The following NRG1 variants were observed in gnomAD, a reference collection of about 807,000 sequenced individuals.
The protein encoded by NRG1 is pro-neuregulin-1, membrane-bound isoform.
NRG1 carries 18 observed loss-of-function variants against 63.8 expected under a neutral mutation model. The observed-to-expected ratio is 0.28, with a 90% confidence interval of 0.19 to 0.42. The LOEUF (loss-of-function observed/expected upper bound fraction) is 0.42, where lower values mean the gene tolerates loss of function less well. Ranked by LOEUF, NRG1 falls within the 10% of genes least tolerant of loss-of-function variation. The pLI is 1.00. For missense variants in NRG1, 762 were observed against 814.7 expected (o/e 0.94, Z 0.79); for synonymous variants, 302 against 301.3 (o/e 1.00, Z -0.02).
At chr8:31,997,946 C>T (rs1349257298) in intron 1 of NRG1, among the ~76,000 whole-genome samples, 1 of 151,972 alleles carries the variant, frequency 6.6e-6, no homozygotes, top group Non-Finnish European at 1.5e-5. Context: ...ATAAGTAAGT[C>T]TCAAATCTGG....
At chr8:32,319,507 C>A (rs922283285) in intron 1 of NRG1, among the ~76,000 whole-genome samples, 6 of 152,200 alleles carry the variant, frequency 3.9e-5, no homozygotes, top group African/African-American at 1.2e-4. Flanking sequence ...CTTCTATGTG[C>A]AAACAACACT....
chr8:32,712,928 AT>A (rs1286964687), intron 5 of NRG1, among the ~76,000 whole-genome samples: 2 of 152,124 alleles, frequency 1.3e-5, no homozygotes, highest in African/African-American at 4.8e-5. Context: ...TATATCTCTT[AT>A]CTCTAGAATT....
intron 1 of NRG1, among the ~76,000 whole-genome samples, chr8:32,219,477 T>A (rs1433676956): frequency 6.6e-6 from 1 of 152,210 alleles, no homozygotes; most frequent in African/African-American, 2.4e-5. Context: ...GCTTTTCTTC[T>A]CCCTTCAATC....
chr8:32,521,717 A>T (rs1830363340), intron 1 of NRG1, among the ~76,000 whole-genome samples: 1 of 152,206 alleles, frequency 6.6e-6, no homozygotes, highest in African/African-American at 2.4e-5. Flanking sequence ...TCAGGAAAAG[A>T]GAGTTTTAGC....
intron 1 of NRG1, among the ~76,000 whole-genome samples, chr8:32,120,008 C>A (rs1192703051): frequency 1.3e-5 from 2 of 152,004 alleles, no homozygotes; most frequent in Non-Finnish European, 2.9e-5. Context: ...AGACCTTGGG[C>A]AATTTATTAA....
chr8:31,748,545 T>A lies in NRG1; in HGVS notation c.37+109114T>A, dbSNP rs1339912462. 6.6e-5 allele frequency among the ~76,000 whole-genome samples: 10 copies of A among 152,082 alleles called. No individual in the cohort carries two copies. In the East Asian group the frequency reaches 1.9e-3, roughly 30 times the overall value. Reference sequence around the variant, plus strand: ...AACCATACAAGCAAACACAAATTTTTATTTTTTAACTTGTAATATTATGGC... The same window carrying A: ...AACCATACAAGCAAACACAAATTTTAATTTTTTAACTTGTAATATTATGGC... On this transcript the variant is annotated intron_variant, in intron 1 of 10. Transcript: ENST00000519301.
chr8:32,756,659 T>G (rs1420560760), intron 9 of NRG1, 130 bp downstream of exon 9: 1 of 1,302,562 alleles, frequency 7.7e-7, no homozygotes, highest in African/African-American at 1.5e-5. Context: ...GGAATCCAGG[T>G]TTTTGCCAGG....
At chr8:32,683,461 A>G (rs1809241816) in intron 5 of NRG1, among the ~76,000 whole-genome samples, 1 of 152,196 alleles carries the variant, frequency 6.6e-6, no homozygotes, top group Admixed American at 6.5e-5. Context: ...AAAGGGTGGA[A>G]TCACCAAACA....
chr8:32,096,702 A>G (rs1829946652), intron 1 of NRG1, among the ~76,000 whole-genome samples: 1 of 152,184 alleles, frequency 6.6e-6, no homozygotes, highest in Non-Finnish European at 1.5e-5. Context: ...GGAGGAAACT[A>G]GCAGAGGAAG....
At chr8:32,559,245 T>TAAAGAAAAAAAAA (rs1835845062) in intron 1 of NRG1, among the ~76,000 whole-genome samples, 1 of 96,790 alleles carries the variant, frequency 1.0e-5, no homozygotes, top group African/African-American at 3.6e-5. Flanking sequence ...CTCTAAAATG[T>TAAAGAAAAAAAAA]AAAAAAAAAA....
At chr8:31,718,691 G>A (rs1812607488) in intron 1 of NRG1, among the ~76,000 whole-genome samples, 1 of 152,174 alleles carries the variant, frequency 6.6e-6, no homozygotes, top group South Asian at 2.1e-4. Context: ...AGCCTTTCTT[G>A]TTGAGGGGAT....
intron 1 of NRG1, among the ~76,000 whole-genome samples, chr8:31,796,106 T>C (rs1430425471): frequency 6.6e-6 from 1 of 152,180 alleles, no homozygotes; most frequent in East Asian, 1.9e-4. Flanking sequence ...TTCTAAGTAA[T>C]CTAGATGGAG....
At chr8:32,142,439 G>A (rs145679187) in intron 1 of NRG1, among the ~76,000 whole-genome samples, 7 of 152,082 alleles carry the variant, frequency 4.6e-5, no homozygotes, top group Non-Finnish European at 1.0e-4. Context: ...ATCAATATTC[G>A]GCGTGATTAT....
intron 1 of NRG1, among the ~76,000 whole-genome samples, chr8:31,722,341 A>G (rs1181702058): frequency 6.6e-6 from 1 of 152,042 alleles, no homozygotes; most frequent in East Asian, 1.9e-4. Flanking sequence ...CATCAGTGTC[A>G]TGTCCCCAGT....
chr8:32,344,395 T>TCTTCC (rs1554513749), intron 1 of NRG1, among the ~76,000 whole-genome samples: 1 of 124,304 alleles, frequency 8.0e-6, no homozygotes, highest in Non-Finnish European at 1.8e-5. Flanking sequence ...TTTCTTTCTT[T>TCTTCC]TTTGTGCATG....
At chr8:31,907,213 AACTCCTG>A (rs1832591136) in intron 1 of NRG1, among the ~76,000 whole-genome samples, 1 of 125,590 alleles carries the variant, frequency 8.0e-6, no homozygotes, top group Non-Finnish European at 1.7e-5. Flanking sequence ...GAATATGATG[AACTCCTG>A]ATGGGTTGAT....
At chr8:32,362,552 C>T (rs1035518511) in intron 1 of NRG1, among the ~76,000 whole-genome samples, 1 of 152,096 alleles carries the variant, frequency 6.6e-6, no homozygotes, top group East Asian at 1.9e-4. Flanking sequence ...GGTTATGATG[C>T]TGCACTATGC....
intron 1 of NRG1, among the ~76,000 whole-genome samples, chr8:32,374,726 G>A (rs1190512121): frequency 6.6e-6 from 1 of 151,178 alleles, no homozygotes; most frequent in East Asian, 1.9e-4. Context: ...TAGGGTTCTT[G>A]GAGACTAGAA....
rs367626893 is a variant in NRG1 at position 32,036,005 on chromosome 8, G to A, written c.37+396574G>A. On this transcript the variant is annotated intron_variant, in intron 1 of 10. Transcript: ENST00000519301. ...TAGCTGGTTATTTGCAGACTTTTTT[G>A]ATGAAGTTGCTTCATAGTGTCATTA... Among the ~76,000 whole-genome samples the A allele has an allele frequency of 6.6e-4, 100 of 152,192 alleles. 2 individuals are homozygous for A. The South Asian group carries it at 0.02, about 31-fold the overall frequency.
Sources: allele counts gnomAD v4.1 joint callset (sites outside exome capture counted in the v4.1 genomes callset), GRCh38; gene constraint gnomAD v4.1.1; transcripts MANE v1.5; gene names NCBI Gene and HGNC (gene_info 2026-07-23, HGNC 2026-07-21).